Variants in ABHD2 observed in about 807,000 individuals in gnomAD.
ABHD2 encodes abhydrolase domain containing 2, acylglycerol lipase, also known as monoacylglycerol lipase ABHD2.
A neutral mutation model predicts 48.1 loss-of-function variants in ABHD2; 20 were observed. That is an observed-to-expected ratio of 0.42 (90% CI 0.29 to 0.60). The LOEUF is 0.60. Ranked by LOEUF, ABHD2 falls within the 20% of genes least tolerant of loss-of-function variation. ABHD2 has a pLI of 0.24. For missense variants in ABHD2, 405 were observed against 550.9 expected (o/e 0.74, Z 2.65); for synonymous variants, 209 against 214.2 (o/e 0.98, Z 0.21).
At chr15:89,135,681 C>T in intron 3 of ABHD2, 1 of 1,514,646 alleles carries the variant, frequency 6.6e-7, no homozygotes, top group Non-Finnish European at 9.1e-7. Context: ...TTTCCTTTAG[C>T]CCGATATGCA....
At chr15:89,052,969 C>CTT in the ABHD2 span, among the ~76,000 whole-genome samples, 31 of 138,434 alleles carry the variant, frequency 2.2e-4, no homozygotes, top group African/African-American at 2.4e-4. Context: ...TGGTGGGCAG[C>CTT]TTTTTTTTTT....
intron 3 of ABHD2, among the ~76,000 whole-genome samples, chr15:89,141,495 T>C (rs1396395751): frequency 6.6e-6 from 1 of 152,174 alleles, no homozygotes; most frequent in Non-Finnish European, 1.5e-5. Flanking sequence ...TAGCCAGGCA[T>C]GGTGGCGTGC....
upstream of ABHD2, among the ~76,000 whole-genome samples, chr15:89,084,437 T>C (rs1449713459): frequency 6.6e-6 from 1 of 152,030 alleles, no homozygotes; most frequent in Non-Finnish European, 1.5e-5. The surrounding 1 kb of genome is among the most constrained non-coding windows in gnomAD (Gnocchi z 4.4). Context: ...GTAGCTGGGA[T>C]TACAGGCACA....
At chr15:89,041,969 G>T in the ABHD2 span, among the ~76,000 whole-genome samples, 14 of 152,278 alleles carry the variant, frequency 9.2e-5, no homozygotes, top group East Asian at 1.9e-4. Context: ...GAGGTCACCC[G>T]GGTGTTTGGT....
At chr15:89,121,096 C>T (rs945828917) in intron 3 of ABHD2, among the ~76,000 whole-genome samples, 7 of 152,226 alleles carry the variant, frequency 4.6e-5, no homozygotes. Context: ...CTGATGGCTG[C>T]TGGCAACAGT....
chr15:89,175,936 G>A lies in ABHD2; in HGVS notation c.663G>A (p.Gln221=), dbSNP rs1460984155. The change falls in exon 6 of 11, where the codon CAG becomes CAA. Residue 221 remains glutamine (Q), a synonymous_variant. Transcript: ENST00000352732. This position sits in a 1 kb window ranked among gnomAD's most constrained non-coding sequence, Gnocchi z 5.7. ...TGTGCAAATACTTGGGGGAGACTCA[G>A]GCAAACCAAGAGAAGGTCCTGTGCT... The part of the protein sequence containing the change: ...NIVCKYLGET[Q]ANQEKVLCCV... 1 of 1,614,090 alleles carries A rather than the reference G, an allele frequency of 6.2e-7. No individual in the cohort carries two copies. Among genetic ancestry groups the A allele is most frequent in the East Asian group, 2.2e-5 (1 of 44,874 alleles).
At chr15:89,051,587 A>G in the ABHD2 span, among the ~76,000 whole-genome samples, 8 of 152,300 alleles carry the variant, frequency 5.3e-5, no homozygotes, top group South Asian at 1.7e-3. Flanking sequence ...CCCACATGTC[A>G]TGGGAGGGAC....
chr15:89,150,341 T>TA (rs1371869678), intron 3 of ABHD2, among the ~76,000 whole-genome samples: 2 of 152,230 alleles, frequency 1.3e-5, no homozygotes, highest in Non-Finnish European at 2.9e-5. Context: ...CTAGATCTTG[T>TA]ATAGTGTTTG....
chr15:89,160,109 T>C (rs2050739350), intron 5 of ABHD2, among the ~76,000 whole-genome samples: 1 of 152,250 alleles, frequency 6.6e-6, no homozygotes, highest in South Asian at 2.1e-4. Flanking sequence ...GTGCTATTGA[T>C]GTAATTTTAG....
chr15:89,085,923 A>G (rs1338544680), upstream of ABHD2, among the ~76,000 whole-genome samples: 3 of 152,240 alleles, frequency 2.0e-5, no homozygotes, highest in African/African-American at 7.2e-5. The surrounding 1 kb of genome is among the most constrained non-coding windows in gnomAD (Gnocchi z 4.2). Flanking sequence ...AGCCATGTGT[A>G]TGGCTACCAA....
At chr15:89,163,539 A>C (rs8028123) in intron 5 of ABHD2, among the ~76,000 whole-genome samples, 32,292 of 152,168 alleles carry the variant, frequency 0.21, 4,646 homozygotes, top group African/African-American at 0.41. Context: ...AAGTACCTTG[A>C]CCTGAGTCAT....
At chr15:89,159,125 C>A (rs1021153604) in intron 5 of ABHD2, among the ~76,000 whole-genome samples, 1 of 151,710 alleles carries the variant, frequency 6.6e-6, no homozygotes, top group Admixed American at 6.6e-5. Flanking sequence ...GCCTGTAATC[C>A]CAGCACTTTG....
At chr15:89,148,784 C>A (rs953376413) in intron 3 of ABHD2, among the ~76,000 whole-genome samples, 1 of 152,166 alleles carries the variant, frequency 6.6e-6, no homozygotes, top group African/African-American at 2.4e-5. Flanking sequence ...AATTATTGGC[C>A]GCTACATTTT....
At chr15:89,082,457 A>G in the ABHD2 span, 1 of 152,230 alleles carries the variant, frequency 6.6e-6, no homozygotes, top group Non-Finnish European at 1.5e-5. The surrounding 1 kb of genome is among the most constrained non-coding windows in gnomAD (Gnocchi z 4.4). Context: ...TGACTCTGCT[A>G]TGGACAAACT....
chr15:89,046,763 A>G, the ABHD2 span, among the ~76,000 whole-genome samples: 442 of 152,044 alleles, frequency 2.9e-3, 2 homozygotes, highest in African/African-American at 9.8e-3. Flanking sequence ...ATCATTTTTT[A>G]TTGCATCTAT....
chr15:89,179,088 T>C lies in ABHD2; in HGVS notation c.722+3093T>C. 6.6e-6 allele frequency among the ~76,000 whole-genome samples: 1 copy of C among 152,230 alleles called. No individual in the cohort carries two copies. Among genetic ancestry groups the C allele is most frequent in the East Asian group, 1.9e-4 (1 of 5,202 alleles). ...AAGCAACAAATACATGTTACTAAGA[T>C]ATTACACATTTAGGCATATGGGTGC... On this transcript the variant is annotated intron_variant, in intron 6 of 10. Transcript: ENST00000352732. This position sits in a 1 kb window ranked among gnomAD's most constrained non-coding sequence, Gnocchi z 4.3.
Position 89,197,941 on chromosome 15 carries a change from G to C in ABHD2, c.*2518G>C, listed in dbSNP as rs2051431681. 1.3e-5 allele frequency: 2 copies of C among 152,232 alleles called. No individual in the cohort carries two copies. Among genetic ancestry groups the C allele is most frequent in the Admixed American group, 6.5e-5 (1 of 15,288 alleles). The allele number at this position is 152,232 out of a possible 1,614,324, so 9.4% of individuals were successfully genotyped here. A position where few individuals can be genotyped will look rare whatever the true frequency, so the allele number is the denominator to read the frequency against. The stretch of plus-strand genomic sequence containing the variant: ...GGCTCTTAGGCATGGAAATGAGAAT[G>C]TGACTGTGGCTGTCTTACAGGAAAA... On this transcript the variant is annotated 3_prime_UTR_variant, in exon 11 of 11. Coordinates refer to ENST00000352732, the MANE Select transcript of ABHD2 (RefSeq NM_152924.5). The surrounding 1 kb of genome is among the most constrained non-coding windows in gnomAD (Gnocchi z 4.4).
At chr15:89,099,848 G>A (rs982027658) in intron 1 of ABHD2, among the ~76,000 whole-genome samples, 5 of 152,052 alleles carry the variant, frequency 3.3e-5, no homozygotes, top group Non-Finnish European at 7.4e-5. Context: ...GGTGGAGGTT[G>A]CAGTGAGCCA....
Position 89,106,089 on chromosome 15 carries a change from G to A in ABHD2, c.-106-7636G>A, listed in dbSNP as rs905649604. On this transcript the variant is annotated intron_variant, in intron 1 of 10. Transcript: ENST00000352732. The surrounding 1 kb of genome is among the most constrained non-coding windows in gnomAD (Gnocchi z 4.2). ...AGCACTTTGGGAGGCCGAGGCAGGT[G>A]GATCACCTGAGGTCAGGAGTTCGAG... Among the ~76,000 whole-genome samples the A allele has an allele frequency of 1.3e-5, 2 of 152,132 alleles. No homozygotes were observed. Among genetic ancestry groups the A allele is most frequent in the Admixed American group, 1.3e-4 (2 of 15,278 alleles).
Sources: allele counts gnomAD v4.1 joint callset (sites outside exome capture counted in the v4.1 genomes callset), GRCh38; gene constraint gnomAD v4.1.1; non-coding constraint Gnocchi (gnomAD v3.1); transcripts MANE v1.5; gene names NCBI Gene and HGNC (gene_info 2026-07-23, HGNC 2026-07-21).